Variants in TCF4 observed in about 807,000 individuals in gnomAD.
TCF4 encodes the protein SL3-3 enhancer factor 2.
TCF4 carries 3 observed loss-of-function variants against 82.1 expected under a neutral mutation model. The ratio of observed to expected loss-of-function variants is 0.04; its 90% confidence interval spans 0.02 to 0.09. The LOEUF (loss-of-function observed/expected upper bound fraction) is 0.09. Ranked by LOEUF, TCF4 falls within the 10% of genes least tolerant of loss-of-function variation. TCF4 has a pLI of 1.00. For missense variants in TCF4, 518 were observed against 852.7 expected, an observed-to-expected ratio of 0.61 and a Z score of 4.89; for synonymous variants, 276 against 309.6, an observed-to-expected ratio of 0.89 and a Z score of 1.14.
In TCF4 at chr18:55,232,810, G is replaced by T; in HGVS notation, c.1487-139C>A. On this transcript the variant is annotated intron_variant, in intron 16 of 19. Transcript: ENST00000354452. ...CTTTTTTTTCCCCCTGCTATCTGTT[G>T]AAGTTTCAAAAAATGCACCTGCAGA... 2.6e-6 allele frequency: 3 copies of T among 1,137,360 alleles called. No homozygotes were observed. In the South Asian group the frequency reaches 4.1e-5, roughly 16 times the overall value. The allele number at this position is 1,137,360 out of a possible 1,614,324, so 70.5% of individuals were successfully genotyped here.
chr18:55,351,119 T>A, intron 6 of TCF4, 116 bp from the exon 7 acceptor site: 1 of 1,321,564 alleles, frequency 7.6e-7, no homozygotes, highest in Non-Finnish European at 1.1e-6. Flanking sequence ...TCTGCTAAGC[T>A]GAGACAATTA....
chr18:55,604,541 C>T (rs543359515), intron 2 of TCF4, among the ~76,000 whole-genome samples: 27 of 152,260 alleles, frequency 1.8e-4, no homozygotes, highest in African/African-American at 6.0e-4. Flanking sequence ...TTGCTTTTAG[C>T]GCATTGCCCA....
At chr18:55,301,334 C>T (rs1289011203) in intron 8 of TCF4, among the ~76,000 whole-genome samples, 2 of 152,188 alleles carry the variant, frequency 1.3e-5, no homozygotes, top group East Asian at 1.9e-4. Flanking sequence ...AAGTAGCATA[C>T]GGCTCTCGCC....
At chr18:55,362,534 C>T (rs906533967) in intron 6 of TCF4, among the ~76,000 whole-genome samples, 3 of 152,034 alleles carry the variant, frequency 2.0e-5, no homozygotes, top group Admixed American at 6.5e-5. Flanking sequence ...AAATCCATTC[C>T]GAACTTGCTT....
chr18:55,589,050 G>C (rs1361400850), upstream of TCF4, among the ~76,000 whole-genome samples: 1 of 151,730 alleles, frequency 6.6e-6, no homozygotes, highest in Non-Finnish European at 1.5e-5. Context: ...GTAATAACAA[G>C]CGTGCTTTAT....
At chr18:55,548,099 G>A (rs1317494610) in intron 3 of TCF4, among the ~76,000 whole-genome samples, 1 of 152,176 alleles carries the variant, frequency 6.6e-6, no homozygotes, top group Non-Finnish European at 1.5e-5. Context: ...TAAAATTTAG[G>A]TTAAGATTTG....
chr18:55,415,196 T>C (rs2094482817), intron 5 of TCF4, among the ~76,000 whole-genome samples: 1 of 151,738 alleles, frequency 6.6e-6, no homozygotes, highest in Non-Finnish European at 1.5e-5. Flanking sequence ...AACTCAAGAG[T>C]ATTACACACA....
intron 6 of TCF4, among the ~76,000 whole-genome samples, chr18:55,396,123 C>T (rs181300397): frequency 6.6e-6 from 1 of 152,228 alleles, no homozygotes; most frequent in Admixed American, 6.5e-5. Flanking sequence ...TAGATGAGAA[C>T]TAATATGGAC....
At chr18:55,253,293 C>CAAAATA (rs2055803183) in intron 15 of TCF4, among the ~76,000 whole-genome samples, 1 of 152,108 alleles carries the variant, frequency 6.6e-6, no homozygotes, top group Admixed American at 6.6e-5. Flanking sequence ...TTTTGCATTT[C>CAAAATA]CTTTTGGGAC....
intron 3 of TCF4, among the ~76,000 whole-genome samples, chr18:55,518,365 T>C (rs2096902843): frequency 6.6e-6 from 1 of 152,016 alleles, no homozygotes; most frequent in Admixed American, 6.6e-5. Flanking sequence ...AAACTGCATA[T>C]TAGAAAATAG....
intron 8 of TCF4, among the ~76,000 whole-genome samples, chr18:55,333,320 T>G (rs2077965296): frequency 6.6e-6 from 1 of 152,096 alleles, no homozygotes; most frequent in Non-Finnish European, 1.5e-5. Flanking sequence ...TTTCTTATTC[T>G]CCTTATATTC....
intron 5 of TCF4, among the ~76,000 whole-genome samples, chr18:55,442,004 T>C (rs2095445947): frequency 6.6e-6 from 1 of 152,242 alleles, no homozygotes; most frequent in African/African-American, 2.4e-5. Flanking sequence ...CACATTTCAC[T>C]GGATTTTCTT....
chr18:55,516,752 T>C (rs766827082), intron 3 of TCF4, among the ~76,000 whole-genome samples: 1 of 152,118 alleles, frequency 6.6e-6, no homozygotes, highest in Non-Finnish European at 1.5e-5. Flanking sequence ...GGTGGGAGCT[T>C]GCATGGTGCA....
Position 55,511,394 on chromosome 18 carries a change from A to T in TCF4, c.146-47257T>A, listed in dbSNP as rs1243804063. Among the ~76,000 whole-genome samples the T allele has an allele frequency of 2.0e-5, 3 of 150,964 alleles. No individual in the cohort carries two copies. The East Asian group carries it at 5.8e-4, about 29-fold the overall frequency. On this transcript the variant is annotated intron_variant, in intron 3 of 19. Transcript: ENST00000354452. ...GAAGCTGAAAATACTTACCTCTACTATTTTAATAAGGTATATGTTTTCATT... is the reference window on the plus strand; with the variant it reads ...GAAGCTGAAAATACTTACCTCTACTTTTTTAATAAGGTATATGTTTTCATT...
intron 8 of TCF4, 54 bp downstream of exon 8, chr18:55,350,305 A>T: frequency 6.4e-7 from 1 of 1,571,602 alleles, no homozygotes; most frequent in South Asian, 1.1e-5. Flanking sequence ...CTTCCCATCA[A>T]TACAAAACAG....
At chr18:55,379,444 G>T (rs557522991) in intron 6 of TCF4, among the ~76,000 whole-genome samples, 1 of 152,262 alleles carries the variant, frequency 6.6e-6, no homozygotes, top group East Asian at 1.9e-4. Context: ...TAGCAGAGAT[G>T]CAGCAGCTCC....
chr18:55,243,910 T>C (rs532194162), intron 15 of TCF4, among the ~76,000 whole-genome samples: 10 of 152,322 alleles, frequency 6.6e-5, no homozygotes, highest in Admixed American at 5.2e-4. Flanking sequence ...AGAAAGACTT[T>C]TTGGTAATTC....
chr18:55,236,093 GTA>G (rs1470878927), intron 15 of TCF4, among the ~76,000 whole-genome samples: 2 of 142,272 alleles, frequency 1.4e-5, no homozygotes, highest in Non-Finnish European at 1.5e-5. Flanking sequence ...GTGTGTGTGT[GTA>G]TGCACTCCAA....
At chr18:55,399,942 C>T (rs1338371423) in intron 6 of TCF4, among the ~76,000 whole-genome samples, 3 of 137,676 alleles carry the variant, frequency 2.2e-5, no homozygotes, top group Non-Finnish European at 1.5e-5. Context: ...AAAAATGAAA[C>T]CATGGCTTTA....
Sources: gnomAD v4.1 joint callset for allele counts (sites outside exome capture counted in the v4.1 genomes callset) on GRCh38, gnomAD v4.1.1 for gene constraint, MANE v1.5 for transcripts, NCBI Gene and HGNC (gene_info 2026-07-23, HGNC 2026-07-21) for gene names.